BAALC: variants seen among roughly 807,000 people sequenced by gnomAD.
BAALC encodes BAALC binder of MAP3K1 and KLF4, also known as brain and acute leukemia cytoplasmic protein.
In BAALC, 9 loss-of-function variants were observed where a neutral mutation model predicts 15.5. The ratio of observed to expected loss-of-function variants is 0.58; its 90% CI spans 0.35 to 1.02. The LOEUF is 1.02. Among genes scored for constraint, BAALC ranks in the 50% least tolerant of loss-of-function variants. The pLI, the probability that BAALC is intolerant of heterozygous loss-of-function variation, is 0.02. For synonymous variants in BAALC, 80 were observed against 74.6 expected, an observed-to-expected ratio of 1.07 and a Z score of -0.37; for missense variants, 201 against 192.4, an observed-to-expected ratio of 1.04 and a Z score of -0.27.
intron 1 of BAALC, among the ~76,000 whole-genome samples, chr8:103,170,468 T>G (rs13258575): frequency 0.31 from 47,131 of 152,038 alleles, 7,625 homozygotes; most frequent in Middle Eastern, 0.36. Flanking sequence ...CCAATGGCTG[T>G]TGTTCTTGTA....
chr8:103,180,872 A>C (rs966778531), intron 1 of BAALC, among the ~76,000 whole-genome samples: 2 of 152,226 alleles, frequency 1.3e-5, no homozygotes, highest in African/African-American at 2.4e-5. Context: ...ATGACCAAAT[A>C]TCTATGTAAT....
chr8:103,200,075 G>T (rs1279543733), intron 1 of BAALC, among the ~76,000 whole-genome samples: 4 of 152,042 alleles, frequency 2.6e-5, no homozygotes, highest in African/African-American at 7.2e-5. Flanking sequence ...GCATTTAAGT[G>T]GATTCCATGT....
rs565730832 is a variant in BAALC at position 103,181,144 on chromosome 8, G to A, written c.161-31775G>A. ...GACTATCCCACAACGGTTCCTTCCT[G>A]CCACTCCCCAGAGGTGAGTGGTTGT... On this transcript the variant is annotated intron_variant, in intron 1 of 2. Transcript: ENST00000309982. 2.0e-5 allele frequency among the ~76,000 whole-genome samples: 3 copies of A among 152,266 alleles called. No homozygotes were observed. In the South Asian group the frequency reaches 6.2e-4, roughly 32 times the overall value.
chr8:103,161,580 A>T (rs1031023035), intron 1 of BAALC, among the ~76,000 whole-genome samples: 1 of 152,196 alleles, frequency 6.6e-6, no homozygotes, highest in Non-Finnish European at 1.5e-5. Flanking sequence ...TACTGTAACA[A>T]ATAGTCTTGT....
chr8:103,148,268 C>T (rs553375674), intron 1 of BAALC, among the ~76,000 whole-genome samples: 1 of 152,264 alleles, frequency 6.6e-6, no homozygotes, highest in South Asian at 2.1e-4. Flanking sequence ...ATGCTGCCAC[C>T]AGCCAAGGAG....
intron 1 of BAALC, among the ~76,000 whole-genome samples, chr8:103,173,816 T>G (rs967727282): frequency 6.6e-6 from 1 of 152,162 alleles, no homozygotes; most frequent in African/African-American, 2.4e-5. Context: ...CTTGACAAAG[T>G]TGAATTGGAA....
At chr8:103,195,462 A>G (rs1422405727) in intron 1 of BAALC, among the ~76,000 whole-genome samples, 1 of 152,212 alleles carries the variant, frequency 6.6e-6, no homozygotes, top group Non-Finnish European at 1.5e-5. Context: ...AGAAGGCTCA[A>G]CATACTGTCC....
At chr8:103,223,746 C>T (rs1020344813) in intron 2 of BAALC, among the ~76,000 whole-genome samples, 1 of 152,140 alleles carries the variant, frequency 6.6e-6, no homozygotes, top group African/African-American at 2.4e-5. Flanking sequence ...GAAGTACAGA[C>T]TGAAATAAAG....
In BAALC at chr8:103,170,961, TA is replaced by T. The variant is rs543010931; in HGVS notation, c.160+29908del. 1.8e-3 allele frequency among the ~76,000 whole-genome samples: 271 copies of T among 152,310 alleles called. 1 individual carries two copies. The highest frequency in any genetic ancestry group is 6.3e-3 in the African/African-American group (260 of 41,568). On this transcript the variant is annotated intron_variant, in intron 1 of 2. Coordinates refer to ENST00000309982, the MANE Select transcript of BAALC (RefSeq NM_024812.3). ...ATGTCTTAATTATTCTTCAACACTA[TA>T]AAATTGTCATGGTACAGAACACATC...
intron 1 of BAALC, among the ~76,000 whole-genome samples, chr8:103,212,606 T>A (rs1812471363): frequency 6.6e-6 from 1 of 152,026 alleles, no homozygotes; most frequent in African/African-American, 2.4e-5. Flanking sequence ...GAAACAAATA[T>A]CCAAGCAAAG....
intron 1 of BAALC, chr8:103,200,549 A>G: frequency 4.4e-6 from 2 of 451,468 alleles, no homozygotes; most frequent in East Asian, 3.0e-5. Flanking sequence ...CCCCAAAAAT[A>G]ATTCAACCAA....
At chr8:103,149,228 C>T (rs1810933723) in intron 1 of BAALC, among the ~76,000 whole-genome samples, 2 of 152,108 alleles carry the variant, frequency 1.3e-5, no homozygotes, top group African/African-American at 4.8e-5. Context: ...AGCGTGGGAG[C>T]CTCCTGCTAG....
At chr8:103,161,613 C>T (rs1476113001) in intron 1 of BAALC, among the ~76,000 whole-genome samples, 1 of 152,060 alleles carries the variant, frequency 6.6e-6, no homozygotes, top group Non-Finnish European at 1.5e-5. Flanking sequence ...TCATTTTTTT[C>T]CAGTGTAGAT....
intron 1 of BAALC, among the ~76,000 whole-genome samples, chr8:103,192,864 T>C (rs1812002540): frequency 6.6e-6 from 1 of 152,202 alleles, no homozygotes; most frequent in Admixed American, 6.5e-5. Flanking sequence ...TGGCCCATTC[T>C]GTGCTTTGCC....
chr8:103,154,902 C>T (rs186386871), intron 1 of BAALC, among the ~76,000 whole-genome samples: 19 of 147,120 alleles, frequency 1.3e-4, no homozygotes, highest in African/African-American at 4.7e-4. Context: ...GTGATGTGGG[C>T]CTCTTACCTA....
At chr8:103,218,036 GC>G (rs1334449035) in intron 2 of BAALC, among the ~76,000 whole-genome samples, 1 of 152,216 alleles carries the variant, frequency 6.6e-6, no homozygotes, top group Non-Finnish European at 1.5e-5. Flanking sequence ...AGGGGTAGCA[GC>G]TACTCTATTT....
At chr8:103,188,047 G>A (rs1053876394) in intron 1 of BAALC, among the ~76,000 whole-genome samples, 2 of 152,076 alleles carry the variant, frequency 1.3e-5, no homozygotes, top group South Asian at 2.1e-4. Context: ...AAAGAAACAG[G>A]TCTATATTGG....
chr8:103,182,968 T>A (rs2129978780), intron 1 of BAALC, among the ~76,000 whole-genome samples: 1 of 152,266 alleles, frequency 6.6e-6, no homozygotes, highest in Non-Finnish European at 1.5e-5. Flanking sequence ...GGAAAGGAAG[T>A]TTCCTCCATT....
chr8:103,148,753 T>G (rs1356484665), intron 1 of BAALC, among the ~76,000 whole-genome samples: 4 of 152,186 alleles, frequency 2.6e-5, no homozygotes, highest in Non-Finnish European at 4.4e-5. Flanking sequence ...TGTGGCACTT[T>G]GTTATGGCAG....
Sources: gnomAD v4.1 joint callset for allele counts (sites outside exome capture counted in the v4.1 genomes callset) on GRCh38, gnomAD v4.1.1 for gene constraint, MANE v1.5 for transcripts, NCBI Gene and HGNC (gene_info 2026-07-23, HGNC 2026-07-21) for gene names.